Variants in PNPLA3 observed in about 807,000 individuals in gnomAD.
The protein encoded by PNPLA3 is 1-acylglycerol-3-phosphate O-acyltransferase PNPLA3.
PNPLA3 carries 42 observed loss-of-function variants against 43.1 expected under a neutral mutation model. The observed-to-expected ratio is 0.97, with a 90% CI of 0.76 to 1.26. The LOEUF (loss-of-function observed/expected upper bound fraction) is 1.26. Ranked by LOEUF, PNPLA3 falls within the 50% of genes most tolerant of loss-of-function variation. PNPLA3 has a pLI of 0.00. For missense variants in PNPLA3, 647 were observed against 621.4 expected, an observed-to-expected ratio of 1.04 and a Z score of -0.44; for synonymous variants, 272 against 253.6, an observed-to-expected ratio of 1.07 and a Z score of -0.69.
At chr22:43,928,989 C>A in intron 3 of PNPLA3, 100 bp downstream of exon 3, 1 of 1,238,676 alleles carries the variant, frequency 8.1e-7, no homozygotes. Flanking sequence ...ACCTCAGGGT[C>A]TGTCCCATGG....
At position 43,924,009 on chromosome 22, in the gene PNPLA3, C is replaced by T; in HGVS notation, c.98C>T (p.Ala33Val). 1 of 1,584,800 alleles carries T rather than the reference C, an allele frequency of 6.3e-7. No homozygotes were observed. Among genetic ancestry groups the T allele is most frequent in the Non-Finnish European group, 8.5e-7 (1 of 1,174,226 alleles). Residue 33 changes from alanine to valine, a missense_variant, in exon 1 of 9, where the codon GCC (alanine) becomes GTC (valine). By Grantham distance (64) the Ala-to-Val change is moderately conservative. Transcript: ENST00000216180. ...GCGACCCGCTGCCTGAGCGAGCACG[C>T]CCCGCACCTCCTCCGCGACGCGCGC... ...VGATRCLSEHAPHLLRDARML... is the reference protein window; with the variant it reads ...VGATRCLSEHVPHLLRDARML...
chr22:43,929,604 T>C (rs1045376737), intron 3 of PNPLA3, among the ~76,000 whole-genome samples: 1 of 147,920 alleles, frequency 6.8e-6, no homozygotes, highest in African/African-American at 2.5e-5. Context: ...CTTTTCTTTT[T>C]TTTTTTTTTT....
chr22:43,944,709 A>C lies in PNPLA3; in HGVS notation c.1131A>C (p.Pro377=), dbSNP rs2050051850. The change falls in exon 8 of 9, where the codon CCA becomes CCC. Residue 377 remains proline (P), a synonymous_variant. Coordinates refer to ENST00000216180, the MANE Select transcript of PNPLA3 (RefSeq NM_025225.3). ...TCTGCAGACTGGTGACATGGCTTCC[A>C]GATATGCCCGACGATGTCCTGTGGT... is the stretch of plus-strand genomic sequence containing the variant. ...AIVQRLVTWL[P]DMPDDVLWLQ... is the part of the protein sequence containing the mutation. 1 of 1,614,076 alleles carries C rather than the reference A, an allele frequency of 6.2e-7. No individual in the cohort carries two copies. Among genetic ancestry groups the C allele is most frequent in the South Asian group, 1.1e-5 (1 of 91,092 alleles).
intron 5 of PNPLA3, among the ~76,000 whole-genome samples, chr22:43,935,331 G>A (rs1603416611): frequency 6.6e-6 from 1 of 152,194 alleles, no homozygotes; most frequent in African/African-American, 2.4e-5. Flanking sequence ...AATGTTCATT[G>A]CTGTGTGCTA....
Position 43,944,716 on chromosome 22 carries a change from C to T in PNPLA3, c.1138C>T (p.Pro380Ser). 1 of 1,614,174 alleles carries T rather than the reference C, an allele frequency of 6.2e-7. No homozygotes were observed. Among genetic ancestry groups the T allele is most frequent in the Non-Finnish European group, 8.5e-7 (1 of 1,180,022 alleles). ...QRLVTWLPDM[P>S]DDVLWLQWVT... ...ACTGGTGACATGGCTTCCAGATATG[C>T]CCGACGATGTCCTGTGGTTGCAGTG... The change falls in exon 8 of 9, where the codon CCC becomes TCC. Residue 380 changes from proline to serine, a missense_variant. Coordinates refer to ENST00000216180, the MANE Select transcript of PNPLA3 (RefSeq NM_025225.3).
intron 3 of PNPLA3, among the ~76,000 whole-genome samples, chr22:43,930,687 T>C (rs1439569278): frequency 6.6e-6 from 1 of 152,122 alleles, no homozygotes; most frequent in Non-Finnish European, 1.5e-5. Flanking sequence ...CTGAGTTCAG[T>C]GAATATGTGC....
At chr22:43,924,278 G>C in intron 1 of PNPLA3, 180 bp downstream of exon 1, 1 of 753,646 alleles carries the variant, frequency 1.3e-6, no homozygotes. Flanking sequence ...GCTGTTCCTG[G>C]GCCCGGGAAG....
intron 3 of PNPLA3, among the ~76,000 whole-genome samples, chr22:43,931,758 C>T (rs917767578): frequency 6.6e-6 from 1 of 152,250 alleles, no homozygotes; most frequent in Non-Finnish European, 1.5e-5. Flanking sequence ...TCAAGTGATC[C>T]ATGTGCCTCA....
chr22:43,927,042 T>A lies in PNPLA3; in HGVS notation c.295T>A (p.Cys99Ser), dbSNP rs2076213. Residue 99 changes from cysteine (C) to serine (S), a missense_variant, in exon 2 of 9, where the codon TGC becomes AGC. Transcript: ENST00000216180. ...AAGCAAGTTCCTCCGACAGGGTCTCTGCAAATGCCTCCCGGCCAATGTCCA... is the reference window on the plus strand; with the variant it reads ...AAGCAAGTTCCTCCGACAGGGTCTCAGCAAATGCCTCCCGGCCAATGTCCA... ...NLSKFLRQGL[C>S]KCLPANVHQL... 18 of 1,614,110 alleles carry A rather than the reference T, an allele frequency of 1.1e-5. No homozygotes were observed. The highest frequency in any genetic ancestry group is 2.7e-5 in the African/African-American group (2 of 74,954).
chr22:43,937,282 C>T lies in PNPLA3; in HGVS notation c.979+10C>T, dbSNP rs754607798. Reference sequence around the variant, plus strand: ...CCCAGGCTCGCTACAGGTACCCACTCCTCGGGGTGAGCACGGGCAGCACCT... The same window carrying T: ...CCCAGGCTCGCTACAGGTACCCACTTCTCGGGGTGAGCACGGGCAGCACCT... On this transcript the variant is annotated intron_variant, in intron 6 of 8. Transcript: ENST00000216180. 8.7e-6 allele frequency: 14 copies of T among 1,611,954 alleles called. No individual in the cohort carries two copies. Among genetic ancestry groups the T allele is most frequent in the Non-Finnish European group, 8.5e-6 (10 of 1,178,974 alleles).
intron 2 of PNPLA3, among the ~76,000 whole-genome samples, chr22:43,927,490 GAA>G (rs139048): frequency 2.1e-5 from 3 of 140,766 alleles, no homozygotes; most frequent in South Asian, 2.3e-4. Context: ...ATGCTGTCTG[GAA>G]AAAAAAAAAA....
Position 43,946,526 on chromosome 22 carries a change from A to G in PNPLA3, c.*144A>G, listed in dbSNP as rs1234019413. On this transcript the variant is annotated 3_prime_UTR_variant, in exon 9 of 9. Transcript: ENST00000216180. ...CCTCTGAGCTGAGTTGGTTTTATGA[A>G]AAGCTAGGAAGCAACCTTTCGCCTG... 1.2e-6 allele frequency: 1 copy of G among 823,960 alleles called. No individual in the cohort carries two copies. The highest frequency in any genetic ancestry group is 1.7e-5 in the African/African-American group (1 of 59,202). 51.0% of individuals were successfully genotyped at this position (823,960 alleles called of 1,614,324 possible).
Position 43,927,159 on chromosome 22 carries a change from G to C in PNPLA3, c.412G>C (p.Val138Leu). The change falls in exon 2 of 9, where the codon GTC becomes CTC. Residue 138 changes from valine to leucine, a missense_variant. Coordinates refer to ENST00000216180, the MANE Select transcript of PNPLA3 (RefSeq NM_025225.3). ...GTCTGACTTTCGGTCCAAAGACGAA[G>C]TCGTGGATGTAAGCAGTTTGCTTAT... ...LVSDFRSKDE[V>L]VDALVCSCFI... 6.2e-7 allele frequency: 1 copy of C among 1,613,988 alleles called. No individual in the cohort carries two copies.
intron 6 of PNPLA3, among the ~76,000 whole-genome samples, chr22:43,937,750 ACCTCT>A (rs2050005360): frequency 6.6e-6 from 1 of 151,964 alleles, no homozygotes; most frequent in Non-Finnish European, 1.5e-5. Context: ...CTTTCTTGAG[ACCTCT>A]CCTAATTTCT....
intron 6 of PNPLA3, among the ~76,000 whole-genome samples, chr22:43,938,676 G>T (rs1018633640): frequency 6.6e-6 from 1 of 152,226 alleles, no homozygotes; most frequent in Non-Finnish European, 1.5e-5. Flanking sequence ...ATCAGGCTCC[G>T]CCTCCAACAC....
chr22:43,929,575 CAT>C lies in PNPLA3; in HGVS notation c.486+697_486+698del, dbSNP rs199502824. On this transcript the variant is annotated intron_variant, in intron 3 of 8. Coordinates refer to ENST00000216180, the MANE Select transcript of PNPLA3 (RefSeq NM_025225.3). ...TACTCTTAGGGGGAACTATAACAGT[CAT>C]ATATATATATTTTTTTCTTTTCTTT... Among the ~76,000 whole-genome samples the C allele has an allele frequency of 3.5e-3, 516 of 148,208 alleles. 3 individuals carry two copies. Among genetic ancestry groups the C allele is most frequent in the African/African-American group, 0.012 (497 of 40,610 alleles).
Position 43,946,472 on chromosome 22 carries a change from A to C in PNPLA3, c.*90A>C. The C allele has an allele frequency of 6.2e-5, 79 of 1,264,666 alleles. No homozygotes were observed. The highest frequency in any genetic ancestry group is 9.4e-5 in the East Asian group (4 of 42,342). 78.3% of individuals were successfully genotyped at this position (1,264,666 alleles called of 1,614,324 possible). A position where few individuals can be genotyped will look rare whatever the true frequency, so the allele number is the denominator to read the frequency against. ...GCTACCTCCGCATTGCTGTGTAGTG[A>C]CCCCTGCCTGTGACGTGGAGGATCC... On this transcript the variant is annotated 3_prime_UTR_variant, in exon 9 of 9. Transcript: ENST00000216180.
At chr22:43,929,601 T>A (rs2049948604) in intron 3 of PNPLA3, among the ~76,000 whole-genome samples, 1 of 97,534 alleles carries the variant, frequency 1.0e-5, no homozygotes, top group African/African-American at 3.3e-5. Flanking sequence ...TTTCTTTTCT[T>A]TTTTTTTTTT....
At chr22:43,941,213 T>A (rs1260196423) in intron 7 of PNPLA3, among the ~76,000 whole-genome samples, 1 of 151,348 alleles carries the variant, frequency 6.6e-6, no homozygotes, top group Admixed American at 6.6e-5. Flanking sequence ...CATCTTTCGT[T>A]CTAGGCATAG....
Sources: allele counts gnomAD v4.1 joint callset (sites outside exome capture counted in the v4.1 genomes callset), GRCh38; gene constraint gnomAD v4.1.1; transcripts MANE v1.5; gene names NCBI Gene and HGNC (gene_info 2026-07-23, HGNC 2026-07-21).